Variants in XKR6 observed in about 807,000 individuals in gnomAD.
XKR6 encodes the protein XK-related protein 6.
Under a neutral mutation model 56.7 loss-of-function variants are expected in XKR6, and 22 were observed. The observed-to-expected ratio is 0.39, with a 90% confidence interval of 0.28 to 0.55. The LOEUF (loss-of-function observed/expected upper bound fraction) is 0.55. Among genes scored for constraint, XKR6 ranks in the 20% least tolerant of loss-of-function variants. XKR6 has a pLI of 0.66. For missense variants in XKR6, 852 were observed against 889.0 expected (o/e 0.96, Z 0.53); for synonymous variants, 524 against 387.8 (o/e 1.35, Z -4.13).
chr8:11,131,922 G>A (rs529344077), intron 1 of XKR6, among the ~76,000 whole-genome samples: 1 of 152,284 alleles, frequency 6.6e-6, no homozygotes, highest in African/African-American at 2.4e-5. Context: ...AGTCCATGAT[G>A]TTGGCACAAG....
chr8:10,912,776 G>A (rs2129111574), intron 2 of XKR6, among the ~76,000 whole-genome samples: 1 of 148,458 alleles, frequency 6.7e-6, no homozygotes, highest in Non-Finnish European at 1.5e-5. Context: ...TATATAAAGA[G>A]GGTGTGTATG....
chr8:11,182,393 A>G (rs770772104), intron 1 of XKR6, among the ~76,000 whole-genome samples: 1 of 152,216 alleles, frequency 6.6e-6, no homozygotes, highest in African/African-American at 2.4e-5. Context: ...TGGCGCATTA[A>G]CACCAGGACT....
At chr8:10,989,136 AG>A (rs1313836200) in intron 1 of XKR6, among the ~76,000 whole-genome samples, 1 of 152,190 alleles carries the variant, frequency 6.6e-6, no homozygotes, top group Admixed American at 6.5e-5. Context: ...AGCTCTGTGG[AG>A]GTTATACAAG....
chr8:11,046,167 G>A (rs1230989290), intron 1 of XKR6, among the ~76,000 whole-genome samples: 2 of 152,196 alleles, frequency 1.3e-5, no homozygotes, highest in Non-Finnish European at 1.5e-5. Context: ...GGGAGGTCGA[G>A]GTGGGCAGAT....
chr8:11,017,392 A>C (rs916541126), intron 1 of XKR6, among the ~76,000 whole-genome samples: 1 of 152,230 alleles, frequency 6.6e-6, no homozygotes, highest in African/African-American at 2.4e-5. Flanking sequence ...GCAAACTGTA[A>C]AGTGCTTTAA....
intron 2 of XKR6, among the ~76,000 whole-genome samples, chr8:10,906,262 T>C (rs184523433): frequency 1.3e-5 from 2 of 152,314 alleles, no homozygotes; most frequent in Admixed American, 1.3e-4. Flanking sequence ...TCCTGCTAAA[T>C]GTTGGTTGTT....
At chr8:10,930,709 G>C (rs1801028889) in intron 1 of XKR6, among the ~76,000 whole-genome samples, 1 of 152,186 alleles carries the variant, frequency 6.6e-6, no homozygotes, top group Non-Finnish European at 1.5e-5. Flanking sequence ...TGATACAGAA[G>C]TAAAAGGTAA....
At chr8:10,928,865 T>G (rs1259385550) in intron 1 of XKR6, among the ~76,000 whole-genome samples, 5 of 152,206 alleles carry the variant, frequency 3.3e-5, no homozygotes, top group Non-Finnish European at 1.5e-5. Context: ...ACACCAACTC[T>G]TCTCCCGGAC....
intron 1 of XKR6, among the ~76,000 whole-genome samples, chr8:11,042,706 T>G (rs1467124445): frequency 1.3e-5 from 2 of 152,254 alleles, no homozygotes; most frequent in African/African-American, 4.8e-5. Flanking sequence ...AACATATCCT[T>G]TGAGCATCAT....
In XKR6 at chr8:11,158,498, C is replaced by G. The variant is rs533723723; in HGVS notation, c.764+42078G>C. Among the ~76,000 whole-genome samples the G allele has an allele frequency of 6.6e-5, 10 of 152,310 alleles. No homozygotes were observed. In the South Asian group the frequency reaches 1.2e-3, roughly 19 times the overall value. ...CTGCTTCAGGAGCTGTGCCTAGAAACTTCGCCTTGAGTTTCTTTAGCTTTC... is the reference window on the plus strand; with the variant it reads ...CTGCTTCAGGAGCTGTGCCTAGAAAGTTCGCCTTGAGTTTCTTTAGCTTTC... On this transcript the variant is annotated intron_variant, in intron 1 of 2. Coordinates refer to ENST00000416569, the MANE Select transcript of XKR6 (RefSeq NM_173683.4).
At chr8:10,997,790 A>C (rs1798147981) in intron 1 of XKR6, among the ~76,000 whole-genome samples, 1 of 152,174 alleles carries the variant, frequency 6.6e-6, no homozygotes, top group African/African-American at 2.4e-5. Context: ...GCTGTCTCCC[A>C]TCCCTCCCAG....
intron 1 of XKR6, among the ~76,000 whole-genome samples, chr8:11,001,998 G>C (rs1429312468): frequency 1.3e-5 from 2 of 150,860 alleles, no homozygotes; most frequent in African/African-American, 4.9e-5. Context: ...GGATTATAGA[G>C]ATAAGTCTTC....
chr8:11,053,060 C>T (rs113848896), intron 1 of XKR6, among the ~76,000 whole-genome samples: 27 of 152,298 alleles, frequency 1.8e-4, no homozygotes, highest in African/African-American at 5.5e-4. Context: ...GACCCCCCCA[C>T]GCGCCACCCT....
chr8:11,102,291 G>A (rs1032336527), intron 1 of XKR6, among the ~76,000 whole-genome samples: 4 of 152,096 alleles, frequency 2.6e-5, no homozygotes, highest in Admixed American at 1.3e-4. Context: ...CATTTATGCC[G>A]TTAGTTTACC....
chr8:11,104,567 C>G (rs559816070), intron 1 of XKR6: 1 of 151,704 alleles, frequency 6.6e-6, no homozygotes, highest in South Asian at 2.1e-4. Context: ...CGCTTTTGTG[C>G]AGTTCTTTAA....
chr8:10,899,042 A>G, intron 2 of XKR6, 126 bp from the exon 3 acceptor site: 1 of 1,415,102 alleles, frequency 7.1e-7, no homozygotes, highest in Non-Finnish European at 9.4e-7. Context: ...AAAGAAACAC[A>G]GAATCAGGAA....
intron 2 of XKR6, among the ~76,000 whole-genome samples, chr8:10,907,601 T>C (rs775689629): frequency 2.1e-4 from 32 of 152,236 alleles, no homozygotes; most frequent in African/African-American, 6.8e-4. Context: ...TAAAAAGTTG[T>C]AGAACTAGAA....
At chr8:11,173,398 CAT>C (rs977525733) in intron 1 of XKR6, among the ~76,000 whole-genome samples, 1 of 148,900 alleles carries the variant, frequency 6.7e-6, no homozygotes, top group Non-Finnish European at 1.5e-5. Flanking sequence ...AATATATATA[CAT>C]ATATATATAC....
chr8:11,128,032 G>A (rs1200478045), intron 1 of XKR6, among the ~76,000 whole-genome samples: 1 of 152,188 alleles, frequency 6.6e-6, no homozygotes, highest in Non-Finnish European at 1.5e-5. Context: ...TGATTTATCA[G>A]TGGAGGGTAA....
Sources: allele counts gnomAD v4.1 joint callset (sites outside exome capture counted in the v4.1 genomes callset), GRCh38; gene constraint gnomAD v4.1.1; transcripts MANE v1.5; gene names NCBI Gene and HGNC (gene_info 2026-07-23, HGNC 2026-07-21).